The following ARHGAP29 variants were observed in gnomAD, a reference collection of about 807,000 sequenced individuals.
ARHGAP29 encodes rho GTPase-activating protein 29.
In ARHGAP29, 43 loss-of-function variants were observed where a neutral mutation model predicts 122.6. That is an observed-to-expected ratio of 0.35 (90% CI 0.27 to 0.45). The LOEUF (loss-of-function observed/expected upper bound fraction) is 0.45. Among genes scored for constraint, ARHGAP29 ranks in the 20% least tolerant of loss-of-function variants. The pLI, the probability that ARHGAP29 is intolerant of heterozygous loss-of-function variation, is 1.00. For synonymous variants in ARHGAP29, 506 were observed against 497.1 expected, an observed-to-expected ratio of 1.02 and a Z score of -0.24; for missense variants, 1,303 against 1,477.2, an observed-to-expected ratio of 0.88 and a Z score of 1.93.
chr1:94,233,430 C>G (rs1557879333), intron 1 of ARHGAP29, among the ~76,000 whole-genome samples: 1 of 152,166 alleles, frequency 6.6e-6, no homozygotes, highest in African/African-American at 2.4e-5. Flanking sequence ...ACCATCATTT[C>G]TTTTCTGAGC....
chr1:94,261,847 T>A (rs754201369), intron 1 of ARHGAP29, among the ~76,000 whole-genome samples: 3 of 152,228 alleles, frequency 2.0e-5, no homozygotes, highest in Non-Finnish European at 4.4e-5. Context: ...ATTTATAGAT[T>A]CAATGCTATT....
Position 94,179,784 on chromosome 1 carries a change from T to C in ARHGAP29, c.2421A>G (p.Leu807=), listed in dbSNP as rs2101357759. The C allele has an allele frequency of 1.2e-6, 2 of 1,613,682 alleles. No homozygotes were observed. The highest frequency in any genetic ancestry group is 2.2e-5 in the East Asian group (1 of 44,744). Residue 807 remains leucine, a synonymous_variant, in exon 20 of 23, where the codon CTA becomes CTG. Transcript: ENST00000260526. ...NRILLKSKDL[L]RQLPASNFNS... is the part of the protein sequence containing the mutation. ...TAAAATTTGATGCTGGCAATTGTCTTAGAAGGTCTTTGCTTTTTAGAAGAA... is the reference window on the plus strand; with the variant it reads ...TAAAATTTGATGCTGGCAATTGTCTCAGAAGGTCTTTGCTTTTTAGAAGAA...
At chr1:94,195,242 A>G (rs1650380774) in intron 12 of ARHGAP29, 1 of 152,204 alleles carries the variant, frequency 6.6e-6, no homozygotes. Flanking sequence ...ATAAGAACAA[A>G]GGGGAAAAAA....
At chr1:94,263,716 A>G (rs1377393823) in intron 1 of ARHGAP29, among the ~76,000 whole-genome samples, 1 of 152,134 alleles carries the variant, frequency 6.6e-6, no homozygotes, top group Non-Finnish European at 1.5e-5. Flanking sequence ...CCTTTCAGTC[A>G]ATGTTTTCTC....
intron 17 of ARHGAP29, 78 bp downstream of exon 17, chr1:94,185,264 C>T: frequency 1.4e-6 from 2 of 1,442,960 alleles, no homozygotes; most frequent in Admixed American, 2.6e-5. Context: ...GCAAAAGATC[C>T]TAAAAAGTAA....
the ARHGAP29 span, among the ~76,000 whole-genome samples, chr1:94,314,587 T>A: frequency 6.6e-6 from 1 of 152,156 alleles, no homozygotes; most frequent in South Asian, 2.1e-4. Context: ...GACAGACCCC[T>A]TTGCTGGCTC....
rs1653358333 is a variant in ARHGAP29, at chr1:94,237,478, G to A, written c.-96C>T. ...CCCCACACCTACGGCCGCCGCCACCGCCGAGGGCTGGAGCTCGCTGCCCCC... is the reference window on the plus strand; with the variant it reads ...CCCCACACCTACGGCCGCCGCCACCACCGAGGGCTGGAGCTCGCTGCCCCC... On this transcript the variant is annotated 5_prime_UTR_variant, in exon 1 of 23. Coordinates refer to ENST00000260526, the MANE Select transcript of ARHGAP29 (RefSeq NM_004815.4). 3 of 988,070 alleles carry A rather than the reference G, an allele frequency of 3.0e-6. No individual in the cohort carries two copies. Among genetic ancestry groups the A allele is most frequent in the African/African-American group, 1.8e-5 (1 of 57,140 alleles). The allele number at this position is 988,070 out of a possible 1,614,324, so 61.2% of individuals were successfully genotyped here. A position where few individuals can be genotyped will look rare whatever the true frequency, so the allele number is the denominator to read the frequency against.
At chr1:94,183,329 T>A (rs1649595723) in intron 19 of ARHGAP29, among the ~76,000 whole-genome samples, 1 of 152,192 alleles carries the variant, frequency 6.6e-6, no homozygotes, top group Non-Finnish European at 1.5e-5. Flanking sequence ...GAATAGCAGC[T>A]AAGCTTGGCT....
chr1:94,267,385 A>C (rs1200837375), intron 1 of ARHGAP29, among the ~76,000 whole-genome samples: 1 of 152,162 alleles, frequency 6.6e-6, no homozygotes, highest in Non-Finnish European at 1.5e-5. Flanking sequence ...TATGTTAAGT[A>C]CTGGGATCAG....
At chr1:94,177,826 T>G (rs769606667) in intron 21 of ARHGAP29, 26 bp downstream of exon 21, 13 of 1,580,150 alleles carry the variant, frequency 8.2e-6, no homozygotes, top group Middle Eastern at 1.7e-4. Flanking sequence ...AAAGTTCTAA[T>G]ATAATTCTAT....
chr1:94,186,912 T>C (rs1352019507), intron 15 of ARHGAP29, among the ~76,000 whole-genome samples: 1 of 152,212 alleles, frequency 6.6e-6, no homozygotes, highest in African/African-American at 2.4e-5. Context: ...ATATTTTCCA[T>C]TCATATCTAA....
intron 3 of ARHGAP29, among the ~76,000 whole-genome samples, chr1:94,210,956 G>C (rs1039932503): frequency 2.7e-5 from 4 of 149,084 alleles, no homozygotes; most frequent in Non-Finnish European, 5.9e-5. Flanking sequence ...GGGATAAAAA[G>C]AGTCATTTAT....
At chr1:94,274,654 T>C (rs1655115732) in intron 1 of ARHGAP29, among the ~76,000 whole-genome samples, 1 of 152,170 alleles carries the variant, frequency 6.6e-6, no homozygotes, top group African/African-American at 2.4e-5. Flanking sequence ...GGGATTGGGA[T>C]ACCAAGAAAA....
chr1:94,257,715 A>AAGAAGG (rs1281012790), intron 1 of ARHGAP29, among the ~76,000 whole-genome samples: 1 of 152,084 alleles, frequency 6.6e-6, no homozygotes, highest in Non-Finnish European at 1.5e-5. Flanking sequence ...TCTCAAGAAG[A>AAGAAGG]AGAAGGAGAA....
At chr1:94,297,808 G>A in the ARHGAP29 span, among the ~76,000 whole-genome samples, 1 of 152,232 alleles carries the variant, frequency 6.6e-6, no homozygotes, top group African/African-American at 2.4e-5. Flanking sequence ...GGCCTGGAAC[G>A]GCTGCAGCAA....
chr1:94,259,384 TG>T (rs1350265790), intron 1 of ARHGAP29, among the ~76,000 whole-genome samples: 1 of 152,238 alleles, frequency 6.6e-6, no homozygotes, highest in Non-Finnish European at 1.5e-5. Context: ...TTGGACATGT[TG>T]TAGTGGATCA....
intron 2 of ARHGAP29, among the ~76,000 whole-genome samples, chr1:94,223,962 C>T (rs1198331358): frequency 6.6e-6 from 1 of 152,064 alleles, no homozygotes; most frequent in African/African-American, 2.4e-5. Flanking sequence ...TGCTCACCAC[C>T]ACACCTGGCT....
chr1:94,195,039 G>C (rs754726416), intron 12 of ARHGAP29: 5 of 152,166 alleles, frequency 3.3e-5, no homozygotes, highest in Non-Finnish European at 7.3e-5. Flanking sequence ...ATGATAATTA[G>C]AGGGAGATTT....
At chr1:94,196,201 T>A (rs1650440373) in intron 12 of ARHGAP29, among the ~76,000 whole-genome samples, 1 of 151,686 alleles carries the variant, frequency 6.6e-6, no homozygotes, top group Non-Finnish European at 1.5e-5. Context: ...TGTGGAAAAT[T>A]CATCACTGAT....
Sources: allele counts gnomAD v4.1 joint callset (sites outside exome capture counted in the v4.1 genomes callset), GRCh38; gene constraint gnomAD v4.1.1; transcripts MANE v1.5; gene names NCBI Gene and HGNC (gene_info 2026-07-23, HGNC 2026-07-21).